ANK2: variants seen among roughly 807,000 people sequenced by gnomAD.
ANK2 encodes ankyrin-2.
In ANK2, 83 loss-of-function variants were observed where a neutral mutation model predicts 360.5. That is an observed-to-expected ratio of 0.23 (90% CI 0.19 to 0.28). ANK2 has a LOEUF of 0.28. Ranked by LOEUF, ANK2 falls within the 10% of genes least tolerant of loss-of-function variation. The pLI is 1.00. For missense variants in ANK2, 4,201 were observed against 4,795.7 expected, an observed-to-expected ratio of 0.88 and a Z score of 3.66; for synonymous variants, 1,740 against 1,759.5, an observed-to-expected ratio of 0.99 and a Z score of 0.28.
At chr4:112,782,241 G>A in the ANK2 span, among the ~76,000 whole-genome samples, 1 of 152,092 alleles carries the variant, frequency 6.6e-6, no homozygotes, top group African/African-American at 2.4e-5. Context: ...AAGGGGATGG[G>A]AATAGAAGTG....
chr4:112,941,363 TTATA>T (rs1007450341), intron 2 of ANK2, among the ~76,000 whole-genome samples: 2 of 145,764 alleles, frequency 1.4e-5, no homozygotes, highest in African/African-American at 4.9e-5. Flanking sequence ...ATTAAATATA[TTATA>T]TATAATATAC....
chr4:113,247,504 G>A (rs1195658409), intron 9 of ANK2, among the ~76,000 whole-genome samples: 1 of 152,162 alleles, frequency 6.6e-6, no homozygotes, highest in Non-Finnish European at 1.5e-5. Context: ...TAAAGCTCCT[G>A]TTGTTACTCT....
intron 2 of ANK2, among the ~76,000 whole-genome samples, chr4:113,178,528 C>T (rs533528874): frequency 2.7e-5 from 4 of 148,920 alleles, no homozygotes; most frequent in African/African-American, 7.5e-5. Flanking sequence ...GCCAAGATTG[C>T]GCCACTGCAC....
chr4:112,788,666 A>G, the ANK2 span: 20 of 1,601,112 alleles, frequency 1.2e-5, 1 homozygote, highest in East Asian at 4.5e-4. Context: ...TCAGCCGCTT[A>G]TAGAGGATGG....
chr4:113,302,379 T>C (rs535101691), intron 22 of ANK2, among the ~76,000 whole-genome samples: 1 of 152,356 alleles, frequency 6.6e-6, no homozygotes, highest in East Asian at 1.9e-4. Context: ...TTTTAATACA[T>C]TGCATATGTT....
At chr4:112,905,090 C>T (rs1263076455) in intron 2 of ANK2, among the ~76,000 whole-genome samples, 4 of 152,072 alleles carry the variant, frequency 2.6e-5, no homozygotes, top group Admixed American at 6.5e-5. Context: ...CTATTTATAT[C>T]GCACACATGA....
chr4:112,773,086 G>T, the ANK2 span, among the ~76,000 whole-genome samples: 2 of 152,148 alleles, frequency 1.3e-5, no homozygotes, highest in Admixed American at 6.5e-5. Flanking sequence ...GGGAGGTCGA[G>T]GTGGGCAGAT....
chr4:113,198,471 C>G (rs1339861849), intron 3 of ANK2, among the ~76,000 whole-genome samples: 1 of 151,894 alleles, frequency 6.6e-6, no homozygotes, highest in African/African-American at 2.4e-5. Context: ...TTTGATGTAG[C>G]AAATGGTAGA....
chr4:112,951,980 T>C (rs941323488), intron 2 of ANK2, among the ~76,000 whole-genome samples: 1 of 152,216 alleles, frequency 6.6e-6, no homozygotes, highest in African/African-American at 2.4e-5. Context: ...TATCATTAAA[T>C]CTGACGTGTG....
chr4:112,913,079 C>T (rs183682838), intron 2 of ANK2, among the ~76,000 whole-genome samples: 2 of 152,018 alleles, frequency 1.3e-5, no homozygotes, highest in East Asian at 3.9e-4. Context: ...GCCTATGTAA[C>T]CGTAAAAAAA....
chr4:112,981,427 T>G (rs1196238892), intron 2 of ANK2, among the ~76,000 whole-genome samples: 1 of 152,184 alleles, frequency 6.6e-6, no homozygotes, highest in Admixed American at 6.5e-5. Context: ...GGAGGCTGTT[T>G]GAAGAGTTTT....
At chr4:113,026,540 T>C (rs111762869) in intron 2 of ANK2, among the ~76,000 whole-genome samples, 5 of 152,328 alleles carry the variant, frequency 3.3e-5, no homozygotes, top group African/African-American at 1.2e-4. Flanking sequence ...ATCAAAACTT[T>C]CATTGGATTG....
chr4:113,216,942 G>A (rs534808994), intron 4 of ANK2: 2 of 152,070 alleles, frequency 1.3e-5, no homozygotes, highest in East Asian at 1.9e-4. Context: ...GTTGGAATGA[G>A]GCAGCTTCTG....
rs190511246 is a variant in ANK2, at chr4:113,153,653, A to G, written c.85-20763A>G. ...GACAGACTAGATGATTAATGATGAC[A>G]TAGGATAAACTGTATTTGGGATTGT... On this transcript the variant is annotated intron_variant, in intron 1 of 45. Transcript: ENST00000357077. Among the ~76,000 whole-genome samples, 1,118 of 152,332 alleles carry G rather than the reference A, an allele frequency of 7.3e-3. 9 individuals carry two copies. The highest frequency in any genetic ancestry group is 0.014 in the Non-Finnish European group (938 of 68,028).
chr4:113,343,031 A>T lies in ANK2; in HGVS notation c.4137A>T (p.Lys1379Asn), dbSNP rs2094464147. Residue 1379 changes from lysine to asparagine, a missense_variant, in exon 34 of 46, where the codon AAA (lysine) becomes AAT (asparagine). Transcript: ENST00000357077. ...RSRDVEVLEG[K>N]PIYVDCFGNL... The stretch of plus-strand genomic sequence containing the variant: ...TTTTCACTCAGGTGTTAGAAGGAAA[A>T]CCCATCTACGTTGATTGTTTCGGCA... 6.2e-7 allele frequency: 1 copy of T among 1,613,974 alleles called. No homozygotes were observed. The highest frequency in any genetic ancestry group is 8.5e-7 in the Non-Finnish European group (1 of 1,179,926).
At chr4:112,914,656 C>A (rs1463885636) in intron 2 of ANK2, among the ~76,000 whole-genome samples, 1 of 151,962 alleles carries the variant, frequency 6.6e-6, no homozygotes, top group African/African-American at 2.4e-5. Context: ...CTGATTTTTC[C>A]CTTATTTGCT....
rs537602067 is a variant in ANK2, at chr4:113,334,654, GATTA to G, written c.3380-1185_3380-1182del. Among the ~76,000 whole-genome samples the G allele has an allele frequency of 4.2e-4, 44 of 103,550 alleles. 3 individuals are homozygous for G. Among genetic ancestry groups the G allele is most frequent in the Middle Eastern group, 4.5e-3 (1 of 220 alleles). 67.9% of individuals were successfully genotyped at this position (103,550 alleles called of 152,430 possible). A position where few individuals can be genotyped will look rare whatever the true frequency, so the allele number is the denominator to read the frequency against. On this transcript the variant is annotated intron_variant, in intron 29 of 45. Coordinates refer to ENST00000357077, the MANE Select transcript of ANK2 (RefSeq NM_001148.6). ...TTAATCTATTACTAGAAGGTTAATA[GATTA>G]ATTAATCTATTACTAGAAAGTTAAT...
chr4:112,887,158 T>C (rs79174962), intron 1 of ANK2, among the ~76,000 whole-genome samples: 1,698 of 152,366 alleles, frequency 0.011, 20 homozygotes, highest in African/African-American at 0.03. Context: ...TTTCCTTGGC[T>C]GAGGCCAAGG....
intron 41 of ANK2, among the ~76,000 whole-genome samples, chr4:113,367,258 A>G (rs1301262322): frequency 1.3e-5 from 2 of 152,108 alleles, no homozygotes; most frequent in East Asian, 1.9e-4. Context: ...TCTCCTTGGC[A>G]TGTAACACAC....
Sources: gnomAD v4.1 joint callset for allele counts (sites outside exome capture counted in the v4.1 genomes callset) on GRCh38, gnomAD v4.1.1 for gene constraint, MANE v1.5 for transcripts, NCBI Gene and HGNC (gene_info 2026-07-23, HGNC 2026-07-21) for gene names.